KMT2C: variants seen among roughly 807,000 people sequenced by gnomAD.
KMT2C encodes lysine methyltransferase 2C.
KMT2C carries 88 observed loss-of-function variants against 507.9 expected under a neutral mutation model. That is an observed-to-expected ratio of 0.17 (90% CI 0.15 to 0.21). The LOEUF (loss-of-function observed/expected upper bound fraction) is 0.21. Ranked by LOEUF, KMT2C falls within the 10% of genes least tolerant of loss-of-function variation. KMT2C has a pLI of 1.00. For synonymous variants in KMT2C, 2,049 were observed against 2,080.8 expected (o/e 0.98, Z 0.42); for missense variants, 4,954 against 5,957.8 (o/e 0.83, Z 5.55).
rs866722105 is a variant in KMT2C at position 152,171,337 on chromosome 7, G to C, written c.9380C>G (p.Pro3127Arg). 6.2e-7 allele frequency: 1 copy of C among 1,602,528 alleles called. No homozygotes were observed. Among genetic ancestry groups the C allele is most frequent in the Non-Finnish European group, 8.5e-7 (1 of 1,174,104 alleles). ...GMPPMVMSRF[P>R]FMGQVVTGTQ... ...TCCAGTTACCACCTGGCCCATAAAA[G>C]GGAACCTGTCAAAACAGGGTACACA... is the stretch of plus-strand genomic sequence containing the variant. The change falls in exon 40 of 59, where the codon CCT (proline) becomes CGT (arginine). Residue 3127 changes from proline (P) to arginine (R), a missense_variant. Coordinates refer to ENST00000262189, the MANE Select transcript of KMT2C (RefSeq NM_170606.3).
intron 24 of KMT2C, among the ~76,000 whole-genome samples, chr7:152,205,875 C>T (rs540165635): frequency 2.0e-4 from 30 of 152,214 alleles, no homozygotes; most frequent in African/African-American, 7.2e-4. Context: ...CTAACTGGTA[C>T]ATTAGCTGGA....
intron 2 of KMT2C, among the ~76,000 whole-genome samples, chr7:152,341,097 T>C (rs1430966018): frequency 6.6e-6 from 1 of 152,226 alleles, no homozygotes. Context: ...ATTGATCTTC[T>C]TCTGAAATTT....
chr7:152,167,088 C>G (rs1376101680), intron 42 of KMT2C, 58 bp downstream of exon 42: 1 of 1,391,920 alleles, frequency 7.2e-7, no homozygotes, highest in Admixed American at 1.8e-5. Flanking sequence ...GAACAACACA[C>G]CAAAACATTC....
rs758821596 is a variant in KMT2C at position 152,139,777 on chromosome 7, A to G, written c.14358T>C (p.Tyr4786=). ...ARSRIQGLGL[Y]AARDIEKHTM... is the part of the protein sequence containing the mutation. The stretch of plus-strand genomic sequence containing the variant: ...TGTGTTTCTCAATGTCTCGAGCAGC[A>G]TACAGGCCCAGCCCCTAAAAAAAAG... The change falls in exon 56 of 59, where the codon TAT becomes TAC. Residue 4786 remains tyrosine (Y), a synonymous_variant. Coordinates refer to ENST00000262189, the MANE Select transcript of KMT2C (RefSeq NM_170606.3). 12 of 1,613,870 alleles carry G rather than the reference A, an allele frequency of 7.4e-6. No homozygotes were observed. Among genetic ancestry groups the G allele is most frequent in the Non-Finnish European group, 1.0e-5 (12 of 1,179,730 alleles).
Position 152,194,519 on chromosome 7 carries a change from G to A in KMT2C, c.4428C>T (p.Val1476=), listed in dbSNP as rs770055212. 6.2e-7 allele frequency: 1 copy of A among 1,612,646 alleles called. No homozygotes were observed. Among genetic ancestry groups the A allele is most frequent in the African/African-American group, 1.3e-5 (1 of 74,970 alleles). The stretch of plus-strand genomic sequence containing the variant: ...CACTTAATGGTCGTGAACTCTGATT[G>A]ACATTTGGCTGAGGCAAAGAGGAAG... The part of the protein sequence containing the change: ...DDPSSLPQPN[V]NQSSRPLSEE... The change falls in exon 29 of 59, where the codon GTC becomes GTT. Residue 1476 remains valine, a synonymous_variant. Transcript: ENST00000262189.
At chr7:152,348,461 T>C (rs2097080732) in intron 2 of KMT2C, among the ~76,000 whole-genome samples, 1 of 150,654 alleles carries the variant, frequency 6.6e-6, no homozygotes, top group Admixed American at 6.6e-5. Flanking sequence ...TAGCCAGGCA[T>C]GGTGGCAGGT....
At chr7:152,161,854 C>G (rs2092470310) in intron 43 of KMT2C, among the ~76,000 whole-genome samples, 2 of 152,256 alleles carry the variant, frequency 1.3e-5, no homozygotes, top group South Asian at 2.1e-4. Context: ...GTGGTAATAA[C>G]CAGTTGCTAC....
intron 6 of KMT2C, among the ~76,000 whole-genome samples, chr7:152,275,610 A>G (rs534359468): frequency 1.3e-5 from 2 of 152,330 alleles, no homozygotes; most frequent in South Asian, 4.1e-4. Context: ...CTTCATTGAT[A>G]AAGTGTAATA....
At chr7:152,368,494 C>T in intron 1 of KMT2C, 6 of 1,284,664 alleles carry the variant, frequency 4.7e-6, no homozygotes, top group Non-Finnish European at 6.6e-6. Flanking sequence ...GCTCCAGTGG[C>T]GCCGTGAGCT....
chr7:152,422,226 C>G (rs953579319), intron 1 of KMT2C, among the ~76,000 whole-genome samples: 1 of 149,916 alleles, frequency 6.7e-6, no homozygotes, highest in East Asian at 2.0e-4. Context: ...GCAAGTGGAT[C>G]ACCTGAGGTC....
chr7:152,255,697 G>A (rs192156344), intron 9 of KMT2C, among the ~76,000 whole-genome samples: 48 of 152,246 alleles, frequency 3.2e-4, no homozygotes, highest in Non-Finnish European at 5.4e-4. Flanking sequence ...ATGGAAAAGA[G>A]GTTCCAGATA....
intron 1 of KMT2C, among the ~76,000 whole-genome samples, chr7:152,416,583 A>G (rs13224767): frequency 0.11 from 14,968 of 134,578 alleles, 1,679 homozygotes; most frequent in African/African-American, 0.3. Flanking sequence ...AAAATTAGCC[A>G]GGCATGGTAG....
rs1303110904 is a variant in KMT2C at position 152,176,720 on chromosome 7, T to C, written c.8733A>G (p.Ile2911Met). The change falls in exon 38 of 59, where the codon ATA (isoleucine) becomes ATG (methionine). Residue 2911 changes from isoleucine (I) to methionine (M), a missense_variant. By Grantham distance (10) the Ile-to-Met change is conservative. This residue lies in a region of KMT2C where 1,689 missense variants were observed against 1,654.3 expected (regional missense o/e 1.02). Transcript: ENST00000262189. ...TTGAGAGAACTGGAGTTGATCCAGT[T>C]ATGCCACAAGAGTTTATTACATCTT... ...PAQDVINSCG[I>M]TGSTPVLSSL... The C allele has an allele frequency of 7.4e-6, 12 of 1,614,174 alleles. No homozygotes were observed. The highest frequency in any genetic ancestry group is 1.0e-5 in the Non-Finnish European group (12 of 1,180,034).
chr7:152,185,930 G>A (rs1217222035), intron 33 of KMT2C, among the ~76,000 whole-genome samples: 4 of 152,120 alleles, frequency 2.6e-5, no homozygotes, highest in Admixed American at 6.6e-5. Flanking sequence ...TCCCTCTGGT[G>A]GTAAGACACC....
intron 40 of KMT2C, among the ~76,000 whole-genome samples, chr7:152,170,798 G>C (rs1735773404): frequency 6.6e-6 from 1 of 152,112 alleles, no homozygotes; most frequent in Non-Finnish European, 1.5e-5. Flanking sequence ...ACCGTGCCCA[G>C]CCATTTTCTA....
intron 33 of KMT2C, among the ~76,000 whole-genome samples, chr7:152,185,997 T>G (rs1038374757): frequency 2.6e-5 from 4 of 152,140 alleles, no homozygotes; most frequent in Non-Finnish European, 5.9e-5. Context: ...ATCTATCAAT[T>G]TGACCTACCA....
rs2129089788 is a variant in KMT2C at position 152,139,661 on chromosome 7, G to C, written c.14460+14C>G. On this transcript the variant is annotated intron_variant, in intron 56 of 58. Coordinates refer to ENST00000262189, the MANE Select transcript of KMT2C (RefSeq NM_170606.3). ...ATGGTGCTGTGTATACAATCTCGGG[G>C]ACCAGACACCTACCTGAGACTCATA... 2.6e-6 allele frequency: 4 copies of C among 1,545,710 alleles called. No homozygotes were observed. Among genetic ancestry groups the C allele is most frequent in the Non-Finnish European group, 3.6e-6 (4 of 1,117,590 alleles).
chr7:152,341,616 A>T (rs1295337440), intron 2 of KMT2C, among the ~76,000 whole-genome samples: 4 of 152,168 alleles, frequency 2.6e-5, no homozygotes, highest in Non-Finnish European at 5.9e-5. Context: ...GAGTGCCAGA[A>T]CTATTTGACA....
intron 3 of KMT2C, among the ~76,000 whole-genome samples, chr7:152,328,125 C>T (rs1057479942): frequency 1.3e-5 from 2 of 151,954 alleles, no homozygotes; most frequent in Non-Finnish European, 2.9e-5. Context: ...ATAATAAGTG[C>T]CACAAAGAAA....
Sources: allele counts gnomAD v4.1 joint callset (sites outside exome capture counted in the v4.1 genomes callset), GRCh38; gene constraint gnomAD v4.1.1; regional missense constraint gnomAD v4.1.1; transcripts MANE v1.5; gene names NCBI Gene and HGNC (gene_info 2026-07-23, HGNC 2026-07-21).